The following KCNAB1 variants were observed in gnomAD, a reference collection of about 807,000 sequenced individuals.
KCNAB1 encodes the protein voltage-gated potassium channel subunit beta-1.
Under a neutral mutation model 64.6 loss-of-function variants are expected in KCNAB1, and 35 were observed. The ratio of observed to expected loss-of-function variants is 0.54; its 90% CI spans 0.41 to 0.72. The LOEUF (loss-of-function observed/expected upper bound fraction) is 0.72, where lower values mean the gene tolerates loss of function less well. Among genes scored for constraint, KCNAB1 ranks in the 30% least tolerant of loss-of-function variants. The pLI is 0.00. For synonymous variants in KCNAB1, 177 were observed against 183.8 expected (o/e 0.96, Z 0.30); for missense variants, 401 against 512.9 (o/e 0.78, Z 2.11).
At chr3:156,449,396 G>C (rs1279638383) in intron 2 of KCNAB1, among the ~76,000 whole-genome samples, 4 of 152,012 alleles carry the variant, frequency 2.6e-5, no homozygotes, top group Non-Finnish European at 5.9e-5. Flanking sequence ...TTTTGGAGTC[G>C]AGCCTAAACA....
In KCNAB1 at chr3:156,374,384, T is replaced by G. The variant is rs1466729885; in HGVS notation, c.276-47232T>G. ...TTGGTCTCCTCACTAATTTTGGCCA[T>G]GAATTCCTGAGCTATTTCAGTGTTG... On this transcript the variant is annotated intron_variant, in intron 1 of 13. Coordinates refer to ENST00000490337, the MANE Select transcript of KCNAB1 (RefSeq NM_172160.3). 5.9e-5 allele frequency among the ~76,000 whole-genome samples: 5 copies of G among 85,276 alleles called. 1 individual carries two copies. Among genetic ancestry groups the G allele is most frequent in the Non-Finnish European group, 1.1e-4 (5 of 43,972 alleles). 55.9% of individuals were successfully genotyped at this position (85,276 alleles called of 152,430 possible). A position where few individuals can be genotyped will look rare whatever the true frequency, so the allele number is the denominator to read the frequency against.
intron 1 of KCNAB1, among the ~76,000 whole-genome samples, chr3:156,357,159 G>GCGCGCACACACA (rs545909634): frequency 2.7e-5 from 4 of 147,314 alleles, no homozygotes; most frequent in African/African-American, 7.4e-5. Flanking sequence ...ACATGTGCGC[G>GCGCGCACACACA]CACACACACA....
At chr3:156,132,079 A>T (rs1714031816) in intron 1 of KCNAB1, among the ~76,000 whole-genome samples, 2 of 152,258 alleles carry the variant, frequency 1.3e-5, no homozygotes, top group African/African-American at 4.8e-5. Flanking sequence ...GGTGAATCCC[A>T]GGTCTGTTTC....
At chr3:156,181,849 TA>T (rs1712839458) in intron 1 of KCNAB1, among the ~76,000 whole-genome samples, 1 of 152,112 alleles carries the variant, frequency 6.6e-6, no homozygotes, top group Non-Finnish European at 1.5e-5. Context: ...GAACTCAATT[TA>T]GGACATGTCA....
At chr3:156,507,573 A>G (rs182985301) in intron 8 of KCNAB1, among the ~76,000 whole-genome samples, 2 of 152,352 alleles carry the variant, frequency 1.3e-5, no homozygotes, top group African/African-American at 4.8e-5. Flanking sequence ...TCAGAATATG[A>G]AGGACTGATC....
chr3:156,183,122 C>T (rs1712975947), intron 1 of KCNAB1, among the ~76,000 whole-genome samples: 1 of 151,900 alleles, frequency 6.6e-6, no homozygotes, highest in African/African-American at 2.4e-5. Flanking sequence ...GAGATGAGAC[C>T]ATCTGGGAAG....
At chr3:156,462,515 A>T (rs1200858465) in intron 5 of KCNAB1, among the ~76,000 whole-genome samples, 2 of 152,216 alleles carry the variant, frequency 1.3e-5, no homozygotes, top group African/African-American at 4.8e-5. Context: ...CTCCAGGTAC[A>T]TGTATTTATC....
intron 1 of KCNAB1, among the ~76,000 whole-genome samples, chr3:156,339,991 A>C (rs1455364590): frequency 1.3e-5 from 2 of 152,232 alleles, no homozygotes; most frequent in African/African-American, 4.8e-5. Context: ...ATGATCATAA[A>C]GATCAAATAT....
intron 1 of KCNAB1, among the ~76,000 whole-genome samples, chr3:156,125,147 AAG>A (rs2108256609): frequency 6.6e-6 from 1 of 152,220 alleles, no homozygotes; most frequent in East Asian, 1.9e-4. Flanking sequence ...AAAAAAAAAA[AAG>A]AACCATTGCA....
At chr3:156,356,221 A>G (rs1039166768) in intron 1 of KCNAB1, among the ~76,000 whole-genome samples, 1 of 151,996 alleles carries the variant, frequency 6.6e-6, no homozygotes, top group Non-Finnish European at 1.5e-5. Flanking sequence ...TGTGACCCCA[A>G]ATGAGAGATT....
At chr3:156,299,139 A>G (rs1432434300) in intron 1 of KCNAB1, among the ~76,000 whole-genome samples, 1 of 152,278 alleles carries the variant, frequency 6.6e-6, no homozygotes, top group Non-Finnish European at 1.5e-5. Context: ...CTCCAAGGGC[A>G]GAGTTCCTTA....
At chr3:156,497,941 G>A (rs1716119085) in intron 8 of KCNAB1, among the ~76,000 whole-genome samples, 1 of 152,134 alleles carries the variant, frequency 6.6e-6, no homozygotes, top group South Asian at 2.1e-4. Context: ...TTTATTTTGT[G>A]CCAAAATAAA....
At chr3:156,152,839 C>T (rs1226738070) in intron 1 of KCNAB1, among the ~76,000 whole-genome samples, 1 of 152,206 alleles carries the variant, frequency 6.6e-6, no homozygotes, top group Non-Finnish European at 1.5e-5. Context: ...CAGAGATGAC[C>T]ATTGTATAAG....
chr3:156,150,017 A>G (rs1230456509), intron 1 of KCNAB1, among the ~76,000 whole-genome samples: 1 of 152,202 alleles, frequency 6.6e-6, no homozygotes, highest in Non-Finnish European at 1.5e-5. Context: ...TGTCCACATG[A>G]TTTATTTTAG....
At chr3:156,317,074 T>C (rs1722322771) in intron 1 of KCNAB1, among the ~76,000 whole-genome samples, 1 of 152,146 alleles carries the variant, frequency 6.6e-6, no homozygotes, top group Admixed American at 6.5e-5. Flanking sequence ...ATTATTCCCA[T>C]TAATATTTGG....
At position 156,523,862 on chromosome 3, in the gene KCNAB1, A is replaced by C. The variant is rs1025445833; in HGVS notation, c.996A>C (p.Glu332Asp). Reference protein sequence around the residue: ...YQWLKERIVSEEGRKQQNKLK... With the variant: ...YQWLKERIVSDEGRKQQNKLK... Reference sequence around the variant, plus strand: ...GGTTGAAAGAAAGAATTGTAAGTGAAGAAGGGAGAAAACAGCAAAACAAGC... The same window carrying C: ...GGTTGAAAGAAAGAATTGTAAGTGACGAAGGGAGAAAACAGCAAAACAAGC... The change falls in exon 12 of 14, where the codon GAA (glutamate) becomes GAC (aspartate). Residue 332 changes from glutamate (E) to aspartate (D), a missense_variant. Glu to Asp is a conservative substitution (Grantham distance 45). Transcript: ENST00000490337. The C allele has an allele frequency of 2.5e-6, 4 of 1,613,546 alleles. No individual in the cohort carries two copies. The African/African-American group carries it at 5.3e-5, about 22-fold the overall frequency.
intron 8 of KCNAB1, among the ~76,000 whole-genome samples, chr3:156,482,916 A>G (rs561929850): frequency 2.4e-4 from 37 of 152,242 alleles, no homozygotes; most frequent in Admixed American, 2.1e-3. Flanking sequence ...CTACCAGGTT[A>G]TCCTAGAGGT....
chr3:156,274,892 A>G (rs1302513198), intron 1 of KCNAB1, among the ~76,000 whole-genome samples: 1 of 152,172 alleles, frequency 6.6e-6, no homozygotes, highest in Admixed American at 6.5e-5. Flanking sequence ...TTAAGATTTA[A>G]TTTCTTAGCA....
At chr3:156,123,558 T>C (rs1283317010) in intron 1 of KCNAB1, among the ~76,000 whole-genome samples, 2 of 152,218 alleles carry the variant, frequency 1.3e-5, no homozygotes, top group African/African-American at 4.8e-5. Context: ...GGAATGCACA[T>C]TAGGTTTGTG....
Sources: allele counts gnomAD v4.1 joint callset (sites outside exome capture counted in the v4.1 genomes callset), GRCh38; gene constraint gnomAD v4.1.1; transcripts MANE v1.5; gene names NCBI Gene and HGNC (gene_info 2026-07-23, HGNC 2026-07-21).